Variants in GRM8 observed in about 807,000 individuals in gnomAD.
GRM8 encodes metabotropic glutamate receptor 8.
GRM8 carries 47 observed loss-of-function variants against 87.2 expected under a neutral mutation model. The observed-to-expected ratio is 0.54, with a 90% CI of 0.43 to 0.69. The LOEUF (loss-of-function observed/expected upper bound fraction) is 0.69. GRM8 is among the 30% of genes least tolerant of loss of function. GRM8 has a pLI of 0.00. For missense variants in GRM8, 1,019 were observed against 1,139.2 expected (o/e 0.89, Z 1.52); for synonymous variants, 396 against 404.5 (o/e 0.98, Z 0.25).
chr7:126,862,597 T>C (rs1798229378), intron 6 of GRM8, among the ~76,000 whole-genome samples: 1 of 152,014 alleles, frequency 6.6e-6, no homozygotes, highest in South Asian at 2.1e-4. Flanking sequence ...ACTGCATGCA[T>C]CCTTGTGGAA....
rs182317184 is a variant in GRM8, at chr7:126,481,685, C to T, written c.2431-35313G>A. ...AGGAACTGTCACAGATTGAAAAAAA[C>T]CAAGGAAGCATGACAACTTAAGATA... On this transcript the variant is annotated intron_variant, in intron 9 of 10. Transcript: ENST00000339582. Among the ~76,000 whole-genome samples the T allele has an allele frequency of 1.6e-3, 249 of 151,916 alleles. 3 individuals carry two copies. The highest frequency in any genetic ancestry group is 5.9e-3 in the African/African-American group (243 of 41,486).
intron 8 of GRM8, among the ~76,000 whole-genome samples, chr7:126,575,373 C>T (rs1585097499): frequency 6.6e-6 from 1 of 151,884 alleles, no homozygotes; most frequent in South Asian, 2.1e-4. Flanking sequence ...ACTGATTCTA[C>T]ATTATGGTGA....
chr7:126,472,323 T>C (rs182828840), intron 9 of GRM8, among the ~76,000 whole-genome samples: 1,871 of 152,220 alleles, frequency 0.012, 38 homozygotes, highest in African/African-American at 0.039. Context: ...GGCTGTGGGT[T>C]TGTCATAGAT....
intron 2 of GRM8, among the ~76,000 whole-genome samples, chr7:127,211,145 A>G (rs902274308): frequency 5.3e-5 from 8 of 152,190 alleles, no homozygotes; most frequent in African/African-American, 1.9e-4. Flanking sequence ...CCACAAGGCG[A>G]GGTCCTACAA....
chr7:126,882,606 T>C (rs1800125618), intron 6 of GRM8, among the ~76,000 whole-genome samples: 1 of 152,228 alleles, frequency 6.6e-6, no homozygotes, highest in Non-Finnish European at 1.5e-5. Context: ...GACAAGGCAT[T>C]AGATTTCAGA....
At chr7:126,559,687 A>T (rs934346133) in intron 8 of GRM8, among the ~76,000 whole-genome samples, 3 of 152,218 alleles carry the variant, frequency 2.0e-5, no homozygotes, top group Admixed American at 1.3e-4. Context: ...ATCAGAACTA[A>T]AAAATGCTCA....
chr7:126,552,707 G>A (rs1203341906), intron 8 of GRM8, among the ~76,000 whole-genome samples: 7 of 151,976 alleles, frequency 4.6e-5, no homozygotes, highest in African/African-American at 1.7e-4. Flanking sequence ...TATTTAAAAT[G>A]GTTATACATG....
chr7:126,576,255 C>T (rs1414757227), intron 8 of GRM8, among the ~76,000 whole-genome samples: 1 of 152,048 alleles, frequency 6.6e-6, no homozygotes, highest in Non-Finnish European at 1.5e-5. Flanking sequence ...AGTCATTTTC[C>T]CCAACTTTTT....
intron 2 of GRM8, among the ~76,000 whole-genome samples, chr7:127,136,290 A>G (rs1376833234): frequency 1.3e-5 from 2 of 152,148 alleles, no homozygotes; most frequent in African/African-American, 4.8e-5. Flanking sequence ...CAAATCCAAT[A>G]CACTGCGAAT....
At chr7:126,562,837 C>T (rs886468516) in intron 8 of GRM8, among the ~76,000 whole-genome samples, 3 of 152,232 alleles carry the variant, frequency 2.0e-5, no homozygotes, top group East Asian at 3.9e-4. Flanking sequence ...GCAGATATTG[C>T]GGTGAGCCGA....
At chr7:127,094,340 C>T (rs1159655506) in intron 3 of GRM8, among the ~76,000 whole-genome samples, 1 of 152,178 alleles carries the variant, frequency 6.6e-6, no homozygotes, top group African/African-American at 2.4e-5. Context: ...CAGAGACCAG[C>T]TGGCAAGGCT....
At chr7:126,747,845 T>C (rs1374403502) in intron 7 of GRM8, among the ~76,000 whole-genome samples, 1 of 151,998 alleles carries the variant, frequency 6.6e-6, no homozygotes, top group Non-Finnish European at 1.5e-5. Flanking sequence ...CCTCCTTGCT[T>C]TCCAGAGATA....
intron 6 of GRM8, among the ~76,000 whole-genome samples, chr7:126,811,268 T>C (rs1457010500): frequency 6.6e-6 from 1 of 152,146 alleles, no homozygotes; most frequent in Middle Eastern, 3.2e-3. Flanking sequence ...TTGGTTACTA[T>C]AGCTTTGTAG....
intron 2 of GRM8, among the ~76,000 whole-genome samples, chr7:127,206,709 A>C (rs1011028029): frequency 1.3e-5 from 2 of 152,198 alleles, no homozygotes; most frequent in African/African-American, 4.8e-5. Flanking sequence ...CCCAGGGAAG[A>C]AGCAAGCACC....
At chr7:127,009,841 T>C (rs1814695470) in intron 3 of GRM8, among the ~76,000 whole-genome samples, 1 of 151,558 alleles carries the variant, frequency 6.6e-6, no homozygotes, top group Non-Finnish European at 1.5e-5. Context: ...TTAGTATCTA[T>C]ATGTCTTTTT....
At chr7:126,875,611 T>C (rs1400608522) in intron 6 of GRM8, among the ~76,000 whole-genome samples, 1 of 152,206 alleles carries the variant, frequency 6.6e-6, no homozygotes, top group Non-Finnish European at 1.5e-5. Context: ...GTTCATTTCA[T>C]TGAGACAATA....
At chr7:126,866,445 T>C (rs1798594585) in intron 6 of GRM8, among the ~76,000 whole-genome samples, 1 of 152,092 alleles carries the variant, frequency 6.6e-6, no homozygotes, top group South Asian at 2.1e-4. Flanking sequence ...ATTTTTTCCT[T>C]TTATTTCTTA....
intron 2 of GRM8, among the ~76,000 whole-genome samples, chr7:127,234,969 G>T (rs1797898417): frequency 6.6e-6 from 1 of 152,204 alleles, no homozygotes; most frequent in South Asian, 2.1e-4. Context: ...AAAACCTGCA[G>T]TCTCTAGGGT....
At chr7:126,986,179 A>C (rs1050606560) in intron 3 of GRM8, among the ~76,000 whole-genome samples, 1 of 151,970 alleles carries the variant, frequency 6.6e-6, no homozygotes, top group African/African-American at 2.4e-5. Context: ...ACCCCTGACT[A>C]ATTTTTTTAA....
Sources: allele counts gnomAD v4.1 joint callset (sites outside exome capture counted in the v4.1 genomes callset), GRCh38; gene constraint gnomAD v4.1.1; transcripts MANE v1.5; gene names NCBI Gene and HGNC (gene_info 2026-07-23, HGNC 2026-07-21).